PTPRB: variants seen among roughly 807,000 people sequenced by gnomAD.
PTPRB encodes the protein receptor-type tyrosine-protein phosphatase beta.
In PTPRB, 97 loss-of-function variants were observed where a neutral mutation model predicts 238.1. The ratio of observed to expected loss-of-function variants is 0.41; its 90% CI spans 0.35 to 0.48. The LOEUF is 0.48. Among genes scored for constraint, PTPRB ranks in the 20% least tolerant of loss-of-function variants. The pLI, the probability that PTPRB is intolerant of heterozygous loss-of-function variation, is 0.30. For missense variants in PTPRB, 2,292 were observed against 2,681.9 expected, an observed-to-expected ratio of 0.85 and a Z score of 3.21; for synonymous variants, 970 against 995.4, an observed-to-expected ratio of 0.97 and a Z score of 0.48.
chr12:70,591,972 C>A (rs1166497621), intron 7 of PTPRB: 2 of 357,612 alleles, frequency 5.6e-6, no homozygotes, highest in African/African-American at 4.2e-5. Flanking sequence ...TAAATGCTAA[C>A]TGGTTCTCAC....
chr12:70,578,888 G>A (rs1258698357), intron 10 of PTPRB, among the ~76,000 whole-genome samples: 2 of 152,258 alleles, frequency 1.3e-5, no homozygotes, highest in Admixed American at 6.5e-5. Context: ...ATGTAACTGA[G>A]TTCTGGCCAG....
chr12:70,517,123 G>C lies in PTPRB; in HGVS notation c.*4366C>G, dbSNP rs1565888819. 6.6e-6 allele frequency: 1 copy of C among 152,136 alleles called. No individual in the cohort carries two copies. Among genetic ancestry groups the C allele is most frequent in the Non-Finnish European group, 1.5e-5 (1 of 68,034 alleles). The allele number at this position is 152,136 out of a possible 1,614,324, so 9.4% of individuals were successfully genotyped here. On this transcript the variant is annotated 3_prime_UTR_variant, in exon 34 of 34. Coordinates refer to ENST00000334414, the MANE Select transcript of PTPRB (RefSeq NM_001109754.4). ...TTTTCAAAGTCATCATGCACTACAA[G>C]AATCTAAGGCAGTGTGTCTAAAATG...
chr12:70,596,335 G>C lies in PTPRB; in HGVS notation c.980-8C>G. On this transcript the variant is annotated splice_polypyrimidine_tract_variant and splice_region_variant and intron_variant, in intron 4 of 33. Coordinates refer to ENST00000334414, the MANE Select transcript of PTPRB (RefSeq NM_001109754.4). ...TAGCAGGAGGTAAAGGATCTGCAAG[G>C]CAAATACACACACACACACAAAAAA... 1 of 1,441,672 alleles carries C rather than the reference G, an allele frequency of 6.9e-7. No homozygotes were observed. Among genetic ancestry groups the C allele is most frequent in the Non-Finnish European group, 9.1e-7 (1 of 1,100,454 alleles). The allele number at this position is 1,441,672 out of a possible 1,614,324, so 89.3% of individuals were successfully genotyped here.
rs1322085868 is a variant in PTPRB, at chr12:70,539,017, G to T, written c.5779-3C>A. ...TTTCGGCCCACGTCTTTTAACTCCTGTTAGGTCAAATATGAGTTTGTAAGT... is the reference window on the plus strand; with the variant it reads ...TTTCGGCCCACGTCTTTTAACTCCTTTTAGGTCAAATATGAGTTTGTAAGT... On this transcript the variant is annotated splice_region_variant and splice_polypyrimidine_tract_variant and intron_variant, in intron 26 of 33. Transcript: ENST00000334414. 1.2e-6 allele frequency: 2 copies of T among 1,610,104 alleles called. No homozygotes were observed. Among genetic ancestry groups the T allele is most frequent in the Admixed American group, 3.3e-5 (2 of 59,946 alleles).
chr12:70,547,460 A>G (rs11178283), intron 21 of PTPRB, among the ~76,000 whole-genome samples: 64,361 of 151,780 alleles, frequency 0.42, 14,440 homozygotes, highest in Middle Eastern at 0.53. Context: ...TCTCTCTGAT[A>G]AGAGTTTCTT....
chr12:70,532,421 G>A (rs1873419326), intron 31 of PTPRB, among the ~76,000 whole-genome samples: 2 of 146,094 alleles, frequency 1.4e-5, no homozygotes, highest in Non-Finnish European at 3.0e-5. Context: ...CACTTACTGT[G>A]TATCATTTCC....
intron 11 of PTPRB, among the ~76,000 whole-genome samples, chr12:70,573,688 G>A (rs1030104991): frequency 6.6e-6 from 1 of 151,732 alleles, no homozygotes; most frequent in East Asian, 1.9e-4. Context: ...TGTATTTTTA[G>A]TAGAGATGGG....
chr12:70,534,421 T>A, intron 31 of PTPRB, 67 bp downstream of exon 31: 1 of 1,533,064 alleles, frequency 6.5e-7, no homozygotes, highest in Non-Finnish European at 8.8e-7. Context: ...GCTTATGTAT[T>A]TTTCCAGACT....
At chr12:70,522,875 T>TTTG (rs1318072594) in intron 33 of PTPRB, among the ~76,000 whole-genome samples, 3 of 148,302 alleles carry the variant, frequency 2.0e-5, no homozygotes, top group Non-Finnish European at 4.5e-5. Context: ...TTTTTTTTTT[T>TTTG]TTTTTGAGAT....
chr12:70,532,525 T>C (rs971649388), intron 31 of PTPRB, among the ~76,000 whole-genome samples: 4 of 152,196 alleles, frequency 2.6e-5, no homozygotes, highest in Admixed American at 1.3e-4. Flanking sequence ...GTGCTTTAGG[T>C]ATCTTTTTGT....
chr12:70,525,877 A>T (rs1592384831), intron 32 of PTPRB, among the ~76,000 whole-genome samples: 1 of 152,252 alleles, frequency 6.6e-6, no homozygotes, highest in East Asian at 1.9e-4. Flanking sequence ...TTAAACAAGG[A>T]GGCAAAGGTC....
intron 32 of PTPRB, among the ~76,000 whole-genome samples, chr12:70,526,373 A>T (rs901688157): frequency 9.9e-5 from 15 of 151,798 alleles, no homozygotes; most frequent in African/African-American, 2.4e-4. Flanking sequence ...TGGATAAATT[A>T]AAAAAAAATT....
chr12:70,522,125 AT>A (rs1871722892), intron 33 of PTPRB, among the ~76,000 whole-genome samples: 1 of 152,224 alleles, frequency 6.6e-6, no homozygotes, highest in Non-Finnish European at 1.5e-5. Flanking sequence ...ATGCTAACTC[AT>A]TAACATACTG....
intron 3 of PTPRB, 21 bp downstream of exon 3, chr12:70,622,369 C>G (rs759783605): frequency 1.4e-5 from 23 of 1,610,038 alleles, no homozygotes; most frequent in Non-Finnish European, 1.9e-5. Flanking sequence ...AGACCACACT[C>G]CACACACCCC....
rs149204032 is a variant in PTPRB at position 70,565,447 on chromosome 12, A to T, written c.3904+988T>A. Among the ~76,000 whole-genome samples, 446 of 152,310 alleles carry T rather than the reference A, an allele frequency of 2.9e-3. 1 individual carries two copies. The highest frequency in any genetic ancestry group is 0.016 in the South Asian group (76 of 4,830). On this transcript the variant is annotated intron_variant, in intron 15 of 33. Transcript: ENST00000334414. ...GTACAAAGTATTCTACCTTCTCTCC[A>T]TAAGGAGAATTTCTTCATCCTTCAA... is the stretch of plus-strand genomic sequence containing the variant.
At chr12:70,604,808 T>G (rs12425135) in intron 4 of PTPRB, among the ~76,000 whole-genome samples, 36,459 of 151,970 alleles carry the variant, frequency 0.24, 4,613 homozygotes, top group South Asian at 0.33. Context: ...GAAACAGAGG[T>G]ACCACTATAT....
chr12:70,577,115 T>G (rs1880871691), intron 10 of PTPRB, among the ~76,000 whole-genome samples: 1 of 152,218 alleles, frequency 6.6e-6, no homozygotes, highest in African/African-American at 2.4e-5. Flanking sequence ...TAAACTGGGA[T>G]AGCTTCAATT....
At chr12:70,636,692 G>A (rs534989900) in intron 1 of PTPRB, among the ~76,000 whole-genome samples, 13 of 152,252 alleles carry the variant, frequency 8.5e-5, no homozygotes, top group African/African-American at 2.2e-4. Flanking sequence ...TCCTTTAGTC[G>A]TGGAGAGGAG....
chr12:70,609,050 T>G lies in PTPRB; in HGVS notation c.979+19A>C, dbSNP rs1310396301. 6.2e-7 allele frequency: 1 copy of G among 1,612,666 alleles called. No individual in the cohort carries two copies. Among genetic ancestry groups the G allele is most frequent in the Non-Finnish European group, 8.5e-7 (1 of 1,178,882 alleles). On this transcript the variant is annotated intron_variant, in intron 4 of 33. Coordinates refer to ENST00000334414, the MANE Select transcript of PTPRB (RefSeq NM_001109754.4). ...ACCCCGTGTGGCTTGGCCATCCAAT[T>G]GCACCTGTCATCCTTTACCTGTTTG... is the stretch of plus-strand genomic sequence containing the variant.
Sources: allele counts gnomAD v4.1 joint callset (sites outside exome capture counted in the v4.1 genomes callset), GRCh38; gene constraint gnomAD v4.1.1; transcripts MANE v1.5; gene names NCBI Gene and HGNC (gene_info 2026-07-23, HGNC 2026-07-21).